The following TIAM1 variants were observed in gnomAD, a reference collection of about 807,000 sequenced individuals.
TIAM1 encodes TIAM Rac1 associated GEF 1.
In TIAM1, 65 loss-of-function variants were observed where a neutral mutation model predicts 163.5. The observed-to-expected ratio is 0.40, with a 90% confidence interval of 0.33 to 0.49. The LOEUF is 0.49. TIAM1 is among the 20% of genes least tolerant of loss of function. TIAM1 has a pLI of 0.77. For missense variants in TIAM1, 1,789 were observed against 2,044.7 expected, an observed-to-expected ratio of 0.87 and a Z score of 2.41; for synonymous variants, 833 against 810.1, an observed-to-expected ratio of 1.03 and a Z score of -0.48.
intron 16 of TIAM1, among the ~76,000 whole-genome samples, chr21:31,155,190 A>T (rs980272468): frequency 6.6e-6 from 1 of 152,226 alleles, no homozygotes; most frequent in Non-Finnish European, 1.5e-5. Flanking sequence ...GAAACGTAGG[A>T]TTCCAGGATT....
Position 31,120,360 on chromosome 21 carries a change from T to C in TIAM1, c.*8A>G. The C allele has an allele frequency of 1.3e-6, 2 of 1,596,230 alleles. No homozygotes were observed. The highest frequency in any genetic ancestry group is 1.7e-5 in the Admixed American group (1 of 58,976). ...CTACACACATTCTCTACGGGGCAGG[T>C]GACGCAGTCAGATCTCAGTGTTCAG... On this transcript the variant is annotated 3_prime_UTR_variant, in exon 28 of 28. Coordinates refer to ENST00000541036, the MANE Select transcript of TIAM1 (RefSeq NM_001353694.2). This position sits in a 1 kb window ranked among gnomAD's most constrained non-coding sequence, Gnocchi z 4.2.
intron 2 of TIAM1, among the ~76,000 whole-genome samples, chr21:31,402,357 C>CA (rs979841942): frequency 2.0e-5 from 3 of 152,132 alleles, no homozygotes; most frequent in African/African-American, 7.2e-5. Context: ...GAGATGTCGT[C>CA]AGAGACCAAC....
chr21:31,125,477 G>A (rs1002401934), intron 26 of TIAM1, among the ~76,000 whole-genome samples: 4 of 152,142 alleles, frequency 2.6e-5, no homozygotes, highest in Non-Finnish European at 5.9e-5. Flanking sequence ...ACAGCTTCCC[G>A]GGGATCTGCC....
intron 1 of TIAM1, among the ~76,000 whole-genome samples, chr21:31,520,981 T>G (rs2047560750): frequency 6.6e-6 from 1 of 152,216 alleles, no homozygotes; most frequent in African/African-American, 2.4e-5. Flanking sequence ...TGTCAGGGGT[T>G]TAGACACAGC....
intron 2 of TIAM1, among the ~76,000 whole-genome samples, chr21:31,425,123 T>A (rs1187824464): frequency 6.6e-6 from 1 of 152,104 alleles, no homozygotes; most frequent in African/African-American, 2.4e-5. Flanking sequence ...TTACCGTAAT[T>A]AAAAATAAAC....
intron 2 of TIAM1, among the ~76,000 whole-genome samples, chr21:31,446,116 C>T (rs1783509): frequency 0.84 from 127,952 of 151,884 alleles, 54,476 homozygotes; most frequent in African/African-American, 0.95. Context: ...AATTTTTGTA[C>T]TTGGGGTAGA....
At position 31,130,219 on chromosome 21, in the gene TIAM1, T is replaced by C. The variant is rs1162697441; in HGVS notation, c.4039A>G (p.Ser1347Gly). Residue 1347 changes from serine (S) to glycine (G), a missense_variant, in exon 25 of 28, where the codon AGT (serine) becomes GGT (glycine). Physicochemically the swap from Ser to Gly is moderately conservative, Grantham distance 56. Transcript: ENST00000541036. The stretch of plus-strand genomic sequence containing the variant: ...AGCACAGGTGAGAGTTTACCTGCAC[T>C]CGCCAAAGCTCGAACCTGCAGCGCT... ...TEALQVRALA[S>G]ADAEANAVCE... is the part of the protein sequence containing the mutation. 1 of 1,613,344 alleles carries C rather than the reference T, an allele frequency of 6.2e-7. No homozygotes were observed. The highest frequency in any genetic ancestry group is 1.7e-5 in the Admixed American group (1 of 59,974).
Position 31,492,815 on chromosome 21 carries a change from ACACACACACG to A in TIAM1, c.-421-28790_-421-28781del, listed in dbSNP as rs969609795. The stretch of plus-strand genomic sequence containing the variant: ...CACACACACACACACACACACACAC[ACACACACACG>A]TTAAGTGAAAAAAATCCATCTATCA... On this transcript the variant is annotated intron_variant, in intron 1 of 28. Transcript: ENST00000286827. 2.2e-5 allele frequency among the ~76,000 whole-genome samples: 3 copies of A among 137,676 alleles called. 1 individual carries two copies. The highest frequency in any genetic ancestry group is 3.2e-5 in the Non-Finnish European group (2 of 62,546). 90.3% of individuals were successfully genotyped at this position (137,676 alleles called of 152,430 possible).
At position 31,266,806 on chromosome 21, in the gene TIAM1, G is replaced by A; in HGVS notation, c.167C>T (p.Thr56Ile). The change falls in exon 4 of 28, where the codon ACC becomes ATC. Residue 56 changes from threonine (T) to isoleucine (I), a missense_variant. Transcript: ENST00000541036. ...GATGCTGGGGGTGCTGCTGGATCGG[G>A]TGCTCACTTCGGAGTTCCTGTGGAT... is the stretch of plus-strand genomic sequence containing the variant. ...KVIHRNSEVS[T>I]RSSSTPSIPQ... The A allele has an allele frequency of 6.2e-7, 1 of 1,614,224 alleles. No individual in the cohort carries two copies. The highest frequency in any genetic ancestry group is 8.5e-7 in the Non-Finnish European group (1 of 1,180,044).
chr21:31,241,660 A>C (rs2071183379), intron 6 of TIAM1, among the ~76,000 whole-genome samples: 1 of 152,136 alleles, frequency 6.6e-6, no homozygotes, highest in South Asian at 2.1e-4. Flanking sequence ...TATTATTTTA[A>C]ATGTACAATT....
chr21:31,531,698 T>A (rs1401432788), intron 1 of TIAM1, among the ~76,000 whole-genome samples: 1 of 150,500 alleles, frequency 6.6e-6, no homozygotes, highest in Admixed American at 6.6e-5. Context: ...TACTCACCAT[T>A]AAGTAAACTA....
At chr21:31,441,093 G>A (rs1424720659) in intron 2 of TIAM1, among the ~76,000 whole-genome samples, 1 of 152,112 alleles carries the variant, frequency 6.6e-6, no homozygotes, top group African/African-American at 2.4e-5. Context: ...GTCTTAACAG[G>A]TCACCATGCT....
Position 31,430,247 on chromosome 21 carries a change from TACAC to T in TIAM1, c.-369+33732_-369+33735del, listed in dbSNP as rs1202910634. ...AAAAATATATATATATATATATATATACACACACACACACACACACACACACATA... is the reference window on the plus strand; with the variant it reads ...AAAAATATATATATATATATATATATACACACACACACACACACACACATA... On this transcript the variant is annotated intron_variant, in intron 2 of 28. Transcript: ENST00000286827. Among the ~76,000 whole-genome samples, 275 of 106,854 alleles carry T rather than the reference TACAC, an allele frequency of 2.6e-3. 2 individuals carry two copies. The highest frequency in any genetic ancestry group is 4.1e-3 in the African/African-American group (109 of 26,716). 70.1% of individuals were successfully genotyped at this position (106,854 alleles called of 152,430 possible). A position where few individuals can be genotyped will look rare whatever the true frequency, so the allele number is the denominator to read the frequency against.
chr21:31,188,899 A>C (rs2085422058), intron 13 of TIAM1, among the ~76,000 whole-genome samples: 1 of 151,902 alleles, frequency 6.6e-6, no homozygotes, highest in Admixed American at 6.6e-5. Flanking sequence ...TTAAAAAATT[A>C]GCACCCCTGT....
chr21:31,129,157 T>A (rs2082317675), intron 25 of TIAM1, among the ~76,000 whole-genome samples: 2 of 152,206 alleles, frequency 1.3e-5, no homozygotes, highest in African/African-American at 4.8e-5. Flanking sequence ...TCTCCAGAGA[T>A]GCTCATTCCA....
intron 6 of TIAM1, among the ~76,000 whole-genome samples, chr21:31,236,838 C>T (rs536518113): frequency 2.0e-5 from 3 of 152,234 alleles, no homozygotes; most frequent in Middle Eastern, 3.4e-3. Context: ...GGATGCTGAG[C>T]GCCTGGGCAC....
At chr21:31,248,150 C>T (rs1260211964) in intron 5 of TIAM1, among the ~76,000 whole-genome samples, 1 of 152,054 alleles carries the variant, frequency 6.6e-6, no homozygotes, top group Non-Finnish European at 1.5e-5. Flanking sequence ...ATAGTTTTTA[C>T]GACTAATTCA....
chr21:31,217,803 T>G, intron 8 of TIAM1, 104 bp from the exon 9 acceptor site: 1 of 1,428,480 alleles, frequency 7.0e-7, no homozygotes, highest in Non-Finnish European at 9.4e-7. Flanking sequence ...CCCTCCTCCA[T>G]CATGCCAGCC....
intron 2 of TIAM1, among the ~76,000 whole-genome samples, chr21:31,355,278 A>G (rs530782455): frequency 2.0e-3 from 310 of 152,148 alleles, no homozygotes; most frequent in African/African-American, 7.1e-3. Flanking sequence ...AACCAAAAAC[A>G]ATATTCTTGG....
Sources: gnomAD v4.1 joint callset for allele counts (sites outside exome capture counted in the v4.1 genomes callset) on GRCh38, gnomAD v4.1.1 for gene constraint, Gnocchi (gnomAD v3.1) non-coding constraint, MANE v1.5 for transcripts, NCBI Gene and HGNC (gene_info 2026-07-23, HGNC 2026-07-21) for gene names.